The following ULK4 variants were observed in gnomAD, a reference collection of about 807,000 sequenced individuals.
ULK4 encodes the protein inactive serine/threonine-protein kinase ULK4.
A neutral mutation model predicts 160.6 loss-of-function variants in ULK4; 133 were observed. The observed-to-expected ratio is 0.83, with a 90% CI of 0.72 to 0.96. The LOEUF is 0.96. Among genes scored for constraint, ULK4 ranks in the 40% least tolerant of loss-of-function variants. ULK4 has a pLI of 0.00. For synonymous variants in ULK4, 534 were observed against 539.8 expected (o/e 0.99, Z 0.15); for missense variants, 1,580 against 1,499.5 (o/e 1.05, Z -0.89).
intron 1 of ULK4, among the ~76,000 whole-genome samples, chr3:41,955,017 G>A (rs1335344500): frequency 1.3e-5 from 2 of 152,170 alleles, no homozygotes; most frequent in East Asian, 1.9e-4. Context: ...CACAGCCGGC[G>A]CAGTGGCTCA....
chr3:41,938,638 C>T (rs1295220115), intron 2 of ULK4, among the ~76,000 whole-genome samples: 4 of 152,062 alleles, frequency 2.6e-5, no homozygotes, highest in Non-Finnish European at 5.9e-5. Context: ...GCTGAGACTG[C>T]GCCACTGCAC....
intron 27 of ULK4, among the ~76,000 whole-genome samples, chr3:41,704,110 G>T (rs191510875): frequency 5.7e-4 from 87 of 152,198 alleles, no homozygotes; most frequent in African/African-American, 8.7e-4. Flanking sequence ...TGCCTTTAGG[G>T]TTAGTTGTTG....
At chr3:41,334,714 G>A (rs748573383) in intron 35 of ULK4, among the ~76,000 whole-genome samples, 6 of 152,166 alleles carry the variant, frequency 3.9e-5, no homozygotes, top group Admixed American at 2.0e-4. Context: ...TCTTTGAAGT[G>A]TACTGCCTAC....
At chr3:41,824,922 G>A (rs371411916) in intron 18 of ULK4, among the ~76,000 whole-genome samples, 1 of 152,230 alleles carries the variant, frequency 6.6e-6, no homozygotes, top group Admixed American at 6.5e-5. Flanking sequence ...CCCAGTAGGG[G>A]CAGACTGACA....
At chr3:41,953,951 A>G (rs1006492190) in intron 2 of ULK4, among the ~76,000 whole-genome samples, 1 of 152,070 alleles carries the variant, frequency 6.6e-6, no homozygotes, top group Non-Finnish European at 1.5e-5. Flanking sequence ...TGGGAGGCCA[A>G]GGTGGGCGGA....
intron 27 of ULK4, among the ~76,000 whole-genome samples, chr3:41,698,543 A>G (rs1394721751): frequency 1.3e-5 from 2 of 152,228 alleles, no homozygotes; most frequent in African/African-American, 4.8e-5. Flanking sequence ...AAAAATTCAA[A>G]TATTTCAAAA....
intron 2 of ULK4, among the ~76,000 whole-genome samples, chr3:41,951,461 A>G (rs1273489908): frequency 2.0e-5 from 3 of 152,140 alleles, no homozygotes; most frequent in Non-Finnish European, 4.4e-5. Context: ...CAAAGCTACA[A>G]TAATAAAAAC....
At chr3:41,642,243 G>C (rs57189600) in intron 30 of ULK4, among the ~76,000 whole-genome samples, 1 of 151,798 alleles carries the variant, frequency 6.6e-6, no homozygotes, top group Non-Finnish European at 1.5e-5. Context: ...CAACGTGCAG[G>C]TTTGTTACTT....
At chr3:41,923,255 T>A (rs1396946498) in intron 5 of ULK4, among the ~76,000 whole-genome samples, 1 of 151,450 alleles carries the variant, frequency 6.6e-6, no homozygotes, top group Non-Finnish European at 1.5e-5. Context: ...TCCCAACACT[T>A]TGGGAGGCTG....
Position 41,613,852 on chromosome 3 carries a change from T to G in ULK4, c.3120+1817A>C, listed in dbSNP as rs1033614085. Among the ~76,000 whole-genome samples the G allele has an allele frequency of 2.0e-5, 3 of 152,180 alleles. No individual in the cohort carries two copies. The East Asian group carries it at 5.8e-4, about 29-fold the overall frequency. The stretch of plus-strand genomic sequence containing the variant: ...AATCTGAGCATGGAACTGTTCTGGT[T>G]AGAAAAAGAGCACCATCCCTGACAT... On this transcript the variant is annotated intron_variant, in intron 31 of 36. Coordinates refer to ENST00000301831, the MANE Select transcript of ULK4 (RefSeq NM_017886.4).
chr3:41,735,349 A>AGGTTT (rs1289447126), intron 22 of ULK4, among the ~76,000 whole-genome samples: 1 of 152,136 alleles, frequency 6.6e-6, no homozygotes, highest in Non-Finnish European at 1.5e-5. Context: ...TCAGTTATAT[A>AGGTTT]GGTTTTAAAA....
At chr3:41,559,386 T>C (rs1575412976) in intron 32 of ULK4, among the ~76,000 whole-genome samples, 1 of 147,140 alleles carries the variant, frequency 6.8e-6, no homozygotes, top group Admixed American at 7.0e-5. Context: ...TTTGGGTATA[T>C]ACCCAGTAAT....
intron 22 of ULK4, among the ~76,000 whole-genome samples, chr3:41,727,597 G>A (rs751727774): frequency 2.0e-5 from 3 of 152,216 alleles, no homozygotes; most frequent in Non-Finnish European, 2.9e-5. Context: ...TGCTTGCTGT[G>A]TACTTGTGTA....
At chr3:41,797,420 T>C (rs1223123632) in intron 20 of ULK4, among the ~76,000 whole-genome samples, 1 of 152,140 alleles carries the variant, frequency 6.6e-6, no homozygotes, top group African/African-American at 2.4e-5. Context: ...ATGGATGCTA[T>C]GGAGGTTTAA....
chr3:41,346,800 T>TAGA (rs971748226), intron 35 of ULK4, among the ~76,000 whole-genome samples: 10 of 152,226 alleles, frequency 6.6e-5, no homozygotes, highest in African/African-American at 2.2e-4. Flanking sequence ...TGAGCTCTCT[T>TAGA]TTTCTGAAAT....
intron 34 of ULK4, among the ~76,000 whole-genome samples, chr3:41,438,188 C>A (rs2083079530): frequency 6.6e-6 from 1 of 151,152 alleles, no homozygotes; most frequent in African/African-American, 2.4e-5. Flanking sequence ...GAGAAATACC[C>A]TAGAGTAAGC....
At chr3:41,259,069 T>C (rs2078895204) in intron 35 of ULK4, among the ~76,000 whole-genome samples, 1 of 148,882 alleles carries the variant, frequency 6.7e-6, no homozygotes, top group Non-Finnish European at 1.5e-5. Flanking sequence ...TGTATATGTG[T>C]ATATACATCT....
At chr3:41,289,740 A>G (rs1392181305) in intron 35 of ULK4, among the ~76,000 whole-genome samples, 3 of 152,210 alleles carry the variant, frequency 2.0e-5, no homozygotes, top group Non-Finnish European at 4.4e-5. Flanking sequence ...GAGAAGCCCA[A>G]GGAAGGGAGC....
chr3:41,270,428 T>C (rs1454074724), intron 35 of ULK4, among the ~76,000 whole-genome samples: 1 of 150,432 alleles, frequency 6.6e-6, no homozygotes, highest in Non-Finnish European at 1.5e-5. Context: ...GGGGTCTGGG[T>C]CCTTAGAGTC....
Sources: gnomAD v4.1 joint callset for allele counts (sites outside exome capture counted in the v4.1 genomes callset) on GRCh38, gnomAD v4.1.1 for gene constraint, MANE v1.5 for transcripts, NCBI Gene and HGNC (gene_info 2026-07-23, HGNC 2026-07-21) for gene names.